The following DSCAML1 variants were observed in gnomAD, a reference collection of about 807,000 sequenced individuals.
DSCAML1 encodes cell adhesion molecule DSCAML1.
Under a neutral mutation model 200.5 loss-of-function variants are expected in DSCAML1, and 38 were observed. The ratio of observed to expected loss-of-function variants is 0.19; its 90% CI spans 0.15 to 0.25. DSCAML1 has a LOEUF of 0.25. Ranked by LOEUF, DSCAML1 falls within the 10% of genes least tolerant of loss-of-function variation. The pLI is 1.00. For missense variants in DSCAML1, 2,223 were observed against 2,858.8 expected, an observed-to-expected ratio of 0.78 and a Z score of 5.07; for synonymous variants, 1,215 against 1,165.0, an observed-to-expected ratio of 1.04 and a Z score of -0.87.
chr11:117,799,860 G>A (rs2055640926), upstream of DSCAML1, among the ~76,000 whole-genome samples: 1 of 152,230 alleles, frequency 6.6e-6, no homozygotes, highest in African/African-American at 2.4e-5. Flanking sequence ...TAACTACCAT[G>A]AATGGGAACA....
intron 11 of DSCAML1, among the ~76,000 whole-genome samples, chr11:117,487,622 C>T (rs1048765497): frequency 6.6e-6 from 1 of 152,184 alleles, no homozygotes; most frequent in African/African-American, 2.4e-5. Flanking sequence ...ATTACAAGCT[C>T]AGGTTATCTG....
chr11:117,793,163 G>C (rs2055505889), intron 1 of DSCAML1, among the ~76,000 whole-genome samples: 2 of 152,170 alleles, frequency 1.3e-5, no homozygotes, highest in Non-Finnish European at 1.5e-5. Flanking sequence ...CAGATTATAT[G>C]CAAATCTGGG....
At chr11:117,572,781 C>T (rs917065151) in intron 3 of DSCAML1, among the ~76,000 whole-genome samples, 5 of 152,142 alleles carry the variant, frequency 3.3e-5, no homozygotes, top group Admixed American at 2.0e-4. Flanking sequence ...CTCCTCTGCC[C>T]GTTCAAGTGC....
At chr11:117,813,773 G>A (rs1484898629) in intron 1 of DSCAML1, among the ~76,000 whole-genome samples, 17 of 151,906 alleles carry the variant, frequency 1.1e-4, no homozygotes, top group Non-Finnish European at 1.5e-5. Flanking sequence ...CCCTAATCCC[G>A]CTTGAAGCAG....
intron 15 of DSCAML1, among the ~76,000 whole-genome samples, chr11:117,470,444 G>A (rs923631122): frequency 1.6e-4 from 25 of 152,234 alleles, no homozygotes; most frequent in Non-Finnish European, 2.6e-4. Flanking sequence ...GCGAGGTGGC[G>A]GGCGCCTGTA....
intron 5 of DSCAML1, among the ~76,000 whole-genome samples, chr11:117,522,363 G>C: frequency 6.6e-6 from 1 of 152,206 alleles, no homozygotes; most frequent in East Asian, 1.9e-4. Flanking sequence ...TGGGCCACTT[G>C]AGAGCAGGGT....
chr11:117,809,932 C>T (rs116709655), intron 1 of DSCAML1, among the ~76,000 whole-genome samples: 4,083 of 149,780 alleles, frequency 0.027, 163 homozygotes, highest in African/African-American at 0.093. Context: ...TTCACACACA[C>T]GCATATTCAC....
intron 22 of DSCAML1, 148 bp downstream of exon 22, chr11:117,439,671 G>C: frequency 3.5e-6 from 3 of 854,098 alleles, no homozygotes; most frequent in Non-Finnish European, 3.7e-6. Flanking sequence ...CTGCTTGAGA[G>C]AGCAGTAGCA....
intron 3 of DSCAML1, among the ~76,000 whole-genome samples, chr11:117,731,190 C>T (rs2054212566): frequency 6.6e-6 from 1 of 152,150 alleles, no homozygotes; most frequent in Admixed American, 6.5e-5. Context: ...ATTGCCTGCC[C>T]TATTGTGCCC....
At chr11:117,476,105 A>G (rs917982511) in intron 14 of DSCAML1, among the ~76,000 whole-genome samples, 5 of 152,150 alleles carry the variant, frequency 3.3e-5, no homozygotes, top group East Asian at 1.9e-4. Context: ...CCAGATTAAC[A>G]TATTTCATTA....
rs1465908462 is a variant in DSCAML1, at chr11:117,504,620, G to A, written c.2182+304C>T. On this transcript the variant is annotated intron_variant, in intron 10 of 32. Coordinates refer to ENST00000651296, the MANE Select transcript of DSCAML1 (RefSeq NM_020693.4). The surrounding 1 kb of genome is among the most constrained non-coding windows in gnomAD (Gnocchi z 5.0). ...TTGAGGCTCTGGGGCCCCAGGGGAG[G>A]GTGCGGTAGGGAAAGCAGGCATACA... Among the ~76,000 whole-genome samples the A allele has an allele frequency of 6.6e-6, 1 of 152,182 alleles. No homozygotes were observed. The highest frequency in any genetic ancestry group is 1.5e-5 in the Non-Finnish European group (1 of 68,030).
intron 8 of DSCAML1, among the ~76,000 whole-genome samples, chr11:117,507,391 A>G (rs1035078186): frequency 4.6e-5 from 7 of 152,178 alleles, no homozygotes; most frequent in Non-Finnish European, 1.0e-4. Flanking sequence ...CATCAGATGC[A>G]TGGCCCTCCG....
chr11:117,550,268 T>G (rs1243070618), intron 3 of DSCAML1, among the ~76,000 whole-genome samples: 1 of 152,220 alleles, frequency 6.6e-6, no homozygotes, highest in Non-Finnish European at 1.5e-5. Flanking sequence ...GGCAATATGA[T>G]CCTCATTTTA....
rs181592903 is a variant in DSCAML1, at chr11:117,686,983, T to C, written c.511+89808A>G. On this transcript the variant is annotated intron_variant, in intron 3 of 32. Transcript: ENST00000651296. Reference sequence around the variant, plus strand: ...TCTTTCCTCTTTAGGATTATGAGTCTGTGACTGTGAGAATTTGCTGGCTGT... The same window carrying C: ...TCTTTCCTCTTTAGGATTATGAGTCCGTGACTGTGAGAATTTGCTGGCTGT... Among the ~76,000 whole-genome samples the C allele has an allele frequency of 4.6e-5, 7 of 152,358 alleles. No homozygotes were observed. The East Asian group carries it at 7.7e-4, about 17-fold the overall frequency.
chr11:117,548,576 G>A (rs188184145), intron 3 of DSCAML1, among the ~76,000 whole-genome samples: 1 of 152,338 alleles, frequency 6.6e-6, no homozygotes, highest in Admixed American at 6.5e-5. Context: ...ACATTTGGAC[G>A]GGGTCATCTT....
chr11:117,507,780 C>T (rs189624095), intron 8 of DSCAML1, among the ~76,000 whole-genome samples: 77 of 152,338 alleles, frequency 5.1e-4, no homozygotes, highest in Middle Eastern at 3.4e-3. Context: ...TCCAGATCCA[C>T]CTGGAACCTA....
chr11:117,733,184 C>T (rs571629121), intron 3 of DSCAML1, among the ~76,000 whole-genome samples: 4 of 152,228 alleles, frequency 2.6e-5, no homozygotes, highest in East Asian at 1.9e-4. Flanking sequence ...CTGCACATCC[C>T]GGAAGACCAG....
intron 3 of DSCAML1, among the ~76,000 whole-genome samples, chr11:117,749,208 C>T (rs998799099): frequency 4.6e-5 from 7 of 152,184 alleles, no homozygotes; most frequent in Admixed American, 6.5e-5. Context: ...GGGCTTGAGC[C>T]GGGACGAGGG....
chr11:117,785,730 G>A (rs1358151847), intron 1 of DSCAML1, among the ~76,000 whole-genome samples: 1 of 152,170 alleles, frequency 6.6e-6, no homozygotes, highest in African/African-American at 2.4e-5. Flanking sequence ...TTGGCCTAAT[G>A]TTGTGGAGTC....
Sources: allele counts gnomAD v4.1 joint callset (sites outside exome capture counted in the v4.1 genomes callset), GRCh38; gene constraint gnomAD v4.1.1; non-coding constraint Gnocchi (gnomAD v3.1); transcripts MANE v1.5; gene names NCBI Gene and HGNC (gene_info 2026-07-23, HGNC 2026-07-21).